PPP3CA: variants seen among roughly 807,000 people sequenced by gnomAD.
The protein encoded by PPP3CA is protein phosphatase 3 catalytic subunit alpha, also known as CAM-PRP catalytic subunit.
A neutral mutation model predicts 66.5 loss-of-function variants in PPP3CA; 14 were observed. The observed-to-expected ratio is 0.21, with a 90% confidence interval of 0.14 to 0.33. The LOEUF is 0.33. Among genes scored for constraint, PPP3CA ranks in the 10% least tolerant of loss-of-function variants. The pLI, the probability that PPP3CA is intolerant of heterozygous loss-of-function variation, is 1.00. For synonymous variants in PPP3CA, 232 were observed against 226.2 expected (o/e 1.03, Z -0.23); for missense variants, 317 against 639.5 (o/e 0.50, Z 5.44).
chr4:101,298,481 T>C lies in PPP3CA; in HGVS notation c.58+48258A>G, dbSNP rs7660858. ...CCTGCCACCTCCTCTACCTACTCCT[T>C]CTCTGCCACCCTTGAGACAGCAAGA... On this transcript the variant is annotated intron_variant, in intron 1 of 13. Transcript: ENST00000394854. Among the ~76,000 whole-genome samples, 267 of 152,034 alleles carry C rather than the reference T, an allele frequency of 1.8e-3. 3 individuals are homozygous for C. The highest frequency in any genetic ancestry group is 0.012 in the East Asian group (64 of 5,166).
At position 101,123,186 on chromosome 4, in the gene PPP3CA, G is replaced by T. The variant is rs6846366; in HGVS notation, c.260-14108C>A. Among the ~76,000 whole-genome samples the T allele has an allele frequency of 4.9e-3, 747 of 152,262 alleles. 4 individuals carry two copies. Among genetic ancestry groups the T allele is most frequent in the African/African-American group, 0.017 (704 of 41,554 alleles). On this transcript the variant is annotated intron_variant, in intron 2 of 13. Coordinates refer to ENST00000394854, the MANE Select transcript of PPP3CA (RefSeq NM_000944.5). The stretch of plus-strand genomic sequence containing the variant: ...CTAGGGTACAAGCTACAAAGGCAGA[G>T]ATTTTTATTCTTCTTTGTCTATTGT...
At chr4:101,108,630 G>A (rs1317869454) in intron 3 of PPP3CA, among the ~76,000 whole-genome samples, 1 of 152,130 alleles carries the variant, frequency 6.6e-6, no homozygotes, top group East Asian at 1.9e-4. Flanking sequence ...ACTGGGCATG[G>A]TGGTGGGCGC....
chr4:101,102,534 G>A (rs984401767), intron 3 of PPP3CA, among the ~76,000 whole-genome samples: 1 of 152,140 alleles, frequency 6.6e-6, no homozygotes, highest in Non-Finnish European at 1.5e-5. Context: ...AAAGGGCAAG[G>A]GTGGACTGGA....
intron 1 of PPP3CA, among the ~76,000 whole-genome samples, chr4:101,285,317 C>A (rs977419973): frequency 3.3e-5 from 5 of 152,074 alleles, no homozygotes; most frequent in African/African-American, 1.2e-4. Context: ...AGATTATGGC[C>A]TCCCAACCAT....
rs148184223 is a variant in PPP3CA, at chr4:101,043,042, T to C, written c.1157-2476A>G. Among the ~76,000 whole-genome samples the C allele has an allele frequency of 1.1e-3, 175 of 152,206 alleles. 1 individual carries two copies. Among genetic ancestry groups the C allele is most frequent in the African/African-American group, 4.0e-3 (167 of 41,542 alleles). On this transcript the variant is annotated intron_variant, in intron 10 of 13. Coordinates refer to ENST00000394854, the MANE Select transcript of PPP3CA (RefSeq NM_000944.5). ...TCCAATAAACAATATGGCCAGATCA[T>C]GAAATCAATTCAATGAACACAAAGA...
intron 1 of PPP3CA, among the ~76,000 whole-genome samples, chr4:101,337,318 C>T (rs1279238390): frequency 6.6e-6 from 1 of 152,158 alleles, no homozygotes; most frequent in Admixed American, 6.5e-5. Flanking sequence ...ATATTTGAAG[C>T]CTCTAGTTAA....
intron 2 of PPP3CA, among the ~76,000 whole-genome samples, chr4:101,186,800 A>T (rs1042919317): frequency 6.6e-6 from 1 of 152,156 alleles, no homozygotes; most frequent in African/African-American, 2.4e-5. Flanking sequence ...TATTATCCAA[A>T]TTAATGGAGT....
chr4:101,203,262 C>T (rs567676039), intron 1 of PPP3CA, among the ~76,000 whole-genome samples: 2 of 152,226 alleles, frequency 1.3e-5, no homozygotes, highest in South Asian at 2.1e-4. Flanking sequence ...TTTGCGAGGC[C>T]GAGGTGGGCG....
chr4:101,233,105 C>T (rs1270610227), intron 1 of PPP3CA, among the ~76,000 whole-genome samples: 2 of 151,538 alleles, frequency 1.3e-5, no homozygotes, highest in South Asian at 4.2e-4. Context: ...AGACACTACA[C>T]CTAAAGTATA....
intron 1 of PPP3CA, among the ~76,000 whole-genome samples, chr4:101,244,622 C>A (rs577029369): frequency 1.3e-5 from 2 of 152,312 alleles, no homozygotes; most frequent in South Asian, 4.1e-4. Flanking sequence ...ACAGCTCAGA[C>A]ACAAACACAC....
chr4:101,250,491 A>G (rs1034119467), intron 1 of PPP3CA: 1 of 278,008 alleles, frequency 3.6e-6, no homozygotes, highest in African/African-American at 2.3e-5. Context: ...GTCCTTATCA[A>G]AGAAACAGCT....
intron 2 of PPP3CA, among the ~76,000 whole-genome samples, chr4:101,190,090 C>G (rs1724550727): frequency 6.6e-6 from 1 of 151,866 alleles, no homozygotes; most frequent in Non-Finnish European, 1.5e-5. Flanking sequence ...CTGGGTAGAC[C>G]AAGGAAAACA....
rs535014727 is a variant in PPP3CA, at chr4:101,156,307, A to C, written c.259+39609T>G. ...AAGCCCAGAAGGCATAAAGAGAGAC[A>C]CAAGAGAGATTAAAGAAACAGAATA... On this transcript the variant is annotated intron_variant, in intron 2 of 13. Transcript: ENST00000394854. Among the ~76,000 whole-genome samples, 6 of 152,330 alleles carry C rather than the reference A, an allele frequency of 3.9e-5. No homozygotes were observed. The East Asian group carries it at 1.2e-3, about 29-fold the overall frequency.
rs569121949 is a variant in PPP3CA at position 101,141,984 on chromosome 4, G to A, written c.260-32906C>T. ...TAAAACTTAACATTAGCATGTCAAT[G>A]GAGGATGATAGGAAAAGGCACTCCA... On this transcript the variant is annotated intron_variant, in intron 2 of 13. Transcript: ENST00000394854. 1.1e-4 allele frequency among the ~76,000 whole-genome samples: 16 copies of A among 151,788 alleles called. 1 individual carries two copies. The South Asian group carries it at 2.9e-3, about 28-fold the overall frequency.
At chr4:101,093,664 C>G in intron 6 of PPP3CA, 112 bp downstream of exon 6, 1 of 1,126,312 alleles carries the variant, frequency 8.9e-7, no homozygotes. Context: ...GTGAGCCTTT[C>G]ATTTATATTA....
intron 6 of PPP3CA, among the ~76,000 whole-genome samples, chr4:101,093,070 C>T (rs1320157295): frequency 6.6e-6 from 1 of 152,202 alleles, no homozygotes; most frequent in Non-Finnish European, 1.5e-5. Context: ...TACACTCCCA[C>T]CAACAGCGTA....
chr4:101,215,623 A>G (rs751340699), intron 1 of PPP3CA, among the ~76,000 whole-genome samples: 3 of 152,088 alleles, frequency 2.0e-5, no homozygotes, highest in East Asian at 1.9e-4. Flanking sequence ...AGAAAGTTCA[A>G]TTATGTGTAC....
At chr4:101,040,659 A>C in intron 10 of PPP3CA, 93 bp from the exon 11 acceptor site, 2 of 962,866 alleles carry the variant, frequency 2.1e-6, no homozygotes, top group Non-Finnish European at 1.5e-6. Context: ...TCCAGTAAGC[A>C]AAATCAGTAT....
chr4:101,261,240 T>A (rs1327460010), intron 1 of PPP3CA, among the ~76,000 whole-genome samples: 1 of 152,104 alleles, frequency 6.6e-6, no homozygotes, highest in Non-Finnish European at 1.5e-5. Context: ...GAGATGAGAC[T>A]CTTACAGCAT....
Sources: gnomAD v4.1 joint callset for allele counts (sites outside exome capture counted in the v4.1 genomes callset) on GRCh38, gnomAD v4.1.1 for gene constraint, MANE v1.5 for transcripts, NCBI Gene and HGNC (gene_info 2026-07-23, HGNC 2026-07-21) for gene names.